Variants in ADGRA3 observed in about 807,000 individuals in gnomAD.
The protein encoded by ADGRA3 is G-protein coupled receptor 125.
Under a neutral mutation model 119.8 loss-of-function variants are expected in ADGRA3, and 56 were observed. The ratio of observed to expected loss-of-function variants is 0.47; its 90% confidence interval spans 0.38 to 0.58. The LOEUF is 0.58. Ranked by LOEUF, ADGRA3 falls within the 20% of genes least tolerant of loss-of-function variation. The pLI is 0.00. For synonymous variants in ADGRA3, 607 were observed against 623.8 expected, an observed-to-expected ratio of 0.97 and a Z score of 0.40; for missense variants, 1,516 against 1,649.0, an observed-to-expected ratio of 0.92 and a Z score of 1.40.
intron 14 of ADGRA3, among the ~76,000 whole-genome samples, chr4:22,405,156 G>A (rs1041162858): frequency 2.0e-5 from 3 of 152,078 alleles, no homozygotes; most frequent in African/African-American, 4.8e-5. Context: ...AACAATATGG[G>A]GAGCTGGATA....
At position 22,422,660 on chromosome 4, in the gene ADGRA3, T is replaced by G. The variant is rs561116751; in HGVS notation, c.1605+1531A>C. Among the ~76,000 whole-genome samples the G allele has an allele frequency of 2.0e-5, 3 of 152,300 alleles. No homozygotes were observed. The South Asian group carries it at 6.2e-4, about 32-fold the overall frequency. On this transcript the variant is annotated intron_variant, in intron 11 of 18. Coordinates refer to ENST00000334304, the MANE Select transcript of ADGRA3 (RefSeq NM_145290.4). Reference sequence around the variant, plus strand: ...ACATAGATGTATCATCTCCTGGAACTTTGTTTACACATAGAGATGGTATGC... The same window carrying G: ...ACATAGATGTATCATCTCCTGGAACGTTGTTTACACATAGAGATGGTATGC...
At chr4:22,394,841 A>G (rs576668666) in intron 16 of ADGRA3, 1 of 152,336 alleles carries the variant, frequency 6.6e-6, no homozygotes. Flanking sequence ...ATTATTACCA[A>G]TAGTGGAATT....
At chr4:22,392,477 G>A (rs1455482616) in intron 17 of ADGRA3, 68 bp downstream of exon 17, 36 of 1,567,168 alleles carry the variant, frequency 2.3e-5, no homozygotes, top group South Asian at 5.7e-5. Flanking sequence ...CAGCAATTTT[G>A]TTATAATTTA....
Position 22,392,672 on chromosome 4 carries a change from A to G in ADGRA3, c.2500T>C (p.Tyr834His). 6.2e-7 allele frequency: 1 copy of G among 1,613,300 alleles called. No individual in the cohort carries two copies. Among genetic ancestry groups the G allele is most frequent in the East Asian group, 2.2e-5 (1 of 44,862 alleles). Reference protein sequence around the residue: ...ICQAVGIILHYSTLATVLWVG... With the variant: ...ICQAVGIILHHSTLATVLWVG... ...CATAGTACTGTGGCAAGGGTGGAAT[A>G]GTGAAGAATTATCCCAACCTACAAG... is the stretch of plus-strand genomic sequence containing the variant. Residue 834 changes from tyrosine to histidine, a missense_variant, in exon 17 of 19, where the codon TAT (tyrosine) becomes CAT (histidine). Coordinates refer to ENST00000334304, the MANE Select transcript of ADGRA3 (RefSeq NM_145290.4).
intron 6 of ADGRA3, among the ~76,000 whole-genome samples, chr4:22,443,436 T>C (rs1259158629): frequency 6.6e-6 from 1 of 151,760 alleles, no homozygotes; most frequent in Non-Finnish European, 1.5e-5. Context: ...CACTAGTTCA[T>C]TAAAAGACTT....
At position 22,403,695 on chromosome 4, in the gene ADGRA3, T is replaced by C. The variant is rs61791978; in HGVS notation, c.2233-896A>G. Among the ~76,000 whole-genome samples the C allele has an allele frequency of 6.5e-3, 983 of 152,136 alleles. 6 individuals are homozygous for C. The highest frequency in any genetic ancestry group is 0.044 in the Middle Eastern group (13 of 294). Reference sequence around the variant, plus strand: ...AGGTCAAGGCTGCAGTTAGCTAAGATAGCACCACTGCACTCCAGCCTGGGC... The same window carrying C: ...AGGTCAAGGCTGCAGTTAGCTAAGACAGCACCACTGCACTCCAGCCTGGGC... On this transcript the variant is annotated intron_variant, in intron 14 of 18. Coordinates refer to ENST00000334304, the MANE Select transcript of ADGRA3 (RefSeq NM_145290.4).
In ADGRA3 at chr4:22,413,690, T is replaced by C. The variant is rs367787883; in HGVS notation, c.1934A>G (p.Lys645Arg). 2 of 1,613,888 alleles carry C rather than the reference T, an allele frequency of 1.2e-6. No homozygotes were observed. Among genetic ancestry groups the C allele is most frequent in the African/African-American group, 2.7e-5 (2 of 74,916 alleles). ...TGAATTTCCAGTGGCTGGAAAAAGC[T>C]TTCCATTGCGGAATGCAATGAGTTG... ...KLQLIAFRNGKLFPATGNSTN... is the reference protein window; with the variant it reads ...KLQLIAFRNGRLFPATGNSTN... The change falls in exon 13 of 19, where the codon AAG becomes AGG. Residue 645 changes from lysine (K) to arginine (R), a missense_variant. Transcript: ENST00000334304.
Position 22,435,368 on chromosome 4 carries a change from A to T in ADGRA3, c.1386T>A (p.Phe462Leu). The T allele has an allele frequency of 6.2e-7, 1 of 1,613,614 alleles. No individual in the cohort carries two copies. The highest frequency in any genetic ancestry group is 8.5e-7 in the Non-Finnish European group (1 of 1,179,626). Residue 462 changes from phenylalanine to leucine, a missense_variant, in exon 10 of 19, where the codon TTT (phenylalanine) becomes TTA (leucine). Transcript: ENST00000334304. Reference protein sequence around the residue: ...ANFSDKMDVIFVAEMIEKFGR... With the variant: ...ANFSDKMDVILVAEMIEKFGR... ...CAAATTTTTCAATCATTTCTGCCAC[A>T]AATATAACATCCATTTTGTCAGAAA... is the stretch of plus-strand genomic sequence containing the variant.
chr4:22,395,411 C>T (rs999944605), intron 16 of ADGRA3, among the ~76,000 whole-genome samples: 3 of 152,172 alleles, frequency 2.0e-5, no homozygotes, highest in African/African-American at 4.8e-5. Context: ...TTAACAGCTT[C>T]CATTAATAAA....
At chr4:22,481,243 A>T (rs73802830) in intron 1 of ADGRA3, among the ~76,000 whole-genome samples, 2,301 of 152,286 alleles carry the variant, frequency 0.015, 59 homozygotes, top group African/African-American at 0.051. Context: ...TTCAATTGGT[A>T]CACATCCTAA....
Position 22,387,594 on chromosome 4 carries a change from A to C in ADGRA3, c.*111T>G. 3 of 1,067,004 alleles carry C rather than the reference A, an allele frequency of 2.8e-6. No individual in the cohort carries two copies. The highest frequency in any genetic ancestry group is 3.9e-6 in the Non-Finnish European group (3 of 773,410). The allele number at this position is 1,067,004 out of a possible 1,614,324, so 66.1% of individuals were successfully genotyped here. On this transcript the variant is annotated 3_prime_UTR_variant, in exon 19 of 19. Coordinates refer to ENST00000334304, the MANE Select transcript of ADGRA3 (RefSeq NM_145290.4). ...AATCCAAAACTTCAAAGTTTATTCC[A>C]AATTCTTTTGAATCCCTATGGTGGC...
At chr4:22,434,670 A>C (rs1716321624) in intron 10 of ADGRA3, among the ~76,000 whole-genome samples, 2 of 152,222 alleles carry the variant, frequency 1.3e-5, no homozygotes. Flanking sequence ...GCCCCTTGAA[A>C]ATTATTCAAA....
chr4:22,442,688 A>C lies in ADGRA3; in HGVS notation c.882T>G (p.Val294=), dbSNP rs1258330476. 1 of 1,613,502 alleles carries C rather than the reference A, an allele frequency of 6.2e-7. No homozygotes were observed. The highest frequency in any genetic ancestry group is 1.6e-4 in the Middle Eastern group (1 of 6,072). The part of the protein sequence containing the change: ...VETDESQGIF[V]EKNMIHNCSL... Reference sequence around the variant, plus strand: ...AGCAGTTGTGAATCATGTTCTTTTCAACAAAAATACCTTGCGATTCATCGG... The same window carrying C: ...AGCAGTTGTGAATCATGTTCTTTTCCACAAAAATACCTTGCGATTCATCGG... The change falls in exon 7 of 19, where the codon GTT becomes GTG. Residue 294 remains valine, a synonymous_variant. Transcript: ENST00000334304.
At chr4:22,507,823 G>A (rs1410594777) in intron 1 of ADGRA3, among the ~76,000 whole-genome samples, 1 of 152,154 alleles carries the variant, frequency 6.6e-6, no homozygotes, top group Non-Finnish European at 1.5e-5. Flanking sequence ...CAGTCTATGC[G>A]TGTGTGTTTG....
intron 10 of ADGRA3, 91 bp downstream of exon 10, chr4:22,435,220 A>G: frequency 1.9e-6 from 2 of 1,067,958 alleles, no homozygotes; most frequent in Non-Finnish European, 1.4e-6. Context: ...AATATGATAA[A>G]CATAAACAGG....
rs1418527266 is a variant in ADGRA3, at chr4:22,388,060, T to C, written c.3611A>G (p.Asn1204Ser). The C allele has an allele frequency of 6.2e-7, 1 of 1,614,020 alleles. No homozygotes were observed. The highest frequency in any genetic ancestry group is 1.1e-5 in the South Asian group (1 of 91,086). The change falls in exon 19 of 19, where the codon AAC becomes AGC. Residue 1204 changes from asparagine to serine, a missense_variant. Physicochemically the swap from Asn to Ser is conservative, Grantham distance 46. Transcript: ENST00000334304. ...GCCCAGCCGGCTTTTAGGTAAGCCG[T>C]TCTGCACGCTTCCTTCCACGCTCGT... is the stretch of plus-strand genomic sequence containing the variant. ...VPTSVEGSVQ[N>S]GLPKSRLGNN... is the part of the protein sequence containing the mutation.
chr4:22,468,366 T>C (rs1456744709), intron 2 of ADGRA3, among the ~76,000 whole-genome samples: 1 of 152,136 alleles, frequency 6.6e-6, no homozygotes, highest in Non-Finnish European at 1.5e-5. Context: ...CACTGACCAG[T>C]AGGCAACTGT....
rs1320157290 is a variant in ADGRA3 at position 22,443,555 on chromosome 4, C to A, written c.707-692G>T. 1.1e-4 allele frequency among the ~76,000 whole-genome samples: 17 copies of A among 152,136 alleles called. No individual in the cohort carries two copies. In the South Asian group the frequency reaches 3.3e-3, roughly 30 times the overall value. On this transcript the variant is annotated intron_variant, in intron 6 of 18. Coordinates refer to ENST00000334304, the MANE Select transcript of ADGRA3 (RefSeq NM_145290.4). ...AATGCATACAAAGAAATTAGTCCTT[C>A]CATTATTTATGAAGCAAGAAATTAT...
chr4:22,387,925 C>CAAA lies in ADGRA3; in HGVS notation c.3745_3746insTTT (p.Ser1249delinsIleCys), dbSNP rs1713910655. On this transcript the variant is annotated protein_altering_variant, in exon 19 of 19. Coordinates refer to ENST00000334304, the MANE Select transcript of ADGRA3 (RefSeq NM_145290.4). ...AACTGGCTTTTCAAAATTTCTGCTA[C>CAAA]TTTTGGGAAGTGTGCTACAAGCATC... 2 of 1,613,992 alleles carry CAAA rather than the reference C, an allele frequency of 1.2e-6. No homozygotes were observed. Among genetic ancestry groups the CAAA allele is most frequent in the African/African-American group, 2.7e-5 (2 of 74,906 alleles).
Sources: allele counts gnomAD v4.1 joint callset (sites outside exome capture counted in the v4.1 genomes callset), GRCh38; gene constraint gnomAD v4.1.1; transcripts MANE v1.5; gene names NCBI Gene and HGNC (gene_info 2026-07-23, HGNC 2026-07-21).